CDH13: variants seen among roughly 807,000 people sequenced by gnomAD.
CDH13 encodes the protein cadherin-13.
In CDH13, 24 loss-of-function variants were observed where a neutral mutation model predicts 63.8. That is an observed-to-expected ratio of 0.38 (90% CI 0.27 to 0.53). The LOEUF is 0.53. Among genes scored for constraint, CDH13 ranks in the 20% least tolerant of loss-of-function variants. CDH13 has a pLI of 0.85. For missense variants in CDH13, 1,049 were observed against 903.1 expected, an observed-to-expected ratio of 1.16 and a Z score of -2.07; for synonymous variants, 503 against 355.3, an observed-to-expected ratio of 1.42 and a Z score of -4.67.
At chr16:83,726,730 C>T (rs957243332) in intron 10 of CDH13, among the ~76,000 whole-genome samples, 2 of 151,936 alleles carry the variant, frequency 1.3e-5, no homozygotes, top group East Asian at 1.9e-4. Flanking sequence ...CCCAGCTACT[C>T]GCGAGGCTGA....
At chr16:82,710,066 A>G (rs550115537) in intron 1 of CDH13, among the ~76,000 whole-genome samples, 2 of 150,622 alleles carry the variant, frequency 1.3e-5, no homozygotes, top group South Asian at 4.2e-4. Flanking sequence ...CACACACTAC[A>G]CACACACATA....
chr16:83,545,902 A>G (rs967818982), intron 7 of CDH13, among the ~76,000 whole-genome samples: 4 of 152,152 alleles, frequency 2.6e-5, no homozygotes, highest in Non-Finnish European at 5.9e-5. Context: ...TCATTCATTC[A>G]ATGACAACTA....
intron 5 of CDH13, among the ~76,000 whole-genome samples, chr16:83,312,066 C>CAAAAAAAAAAAAAAAAAAAAAAAAAAAAA (rs5818437): frequency 1.1e-5 from 1 of 94,954 alleles, no homozygotes; most frequent in Non-Finnish European, 2.1e-5. Context: ...AACTCCATCT[C>CAAAAAAAAAAAAAAAAAAAAAAAAAAAAA]AAAAAAAAAA....
chr16:83,215,060 G>A (rs1448137565), intron 4 of CDH13, among the ~76,000 whole-genome samples: 1 of 115,960 alleles, frequency 8.6e-6, no homozygotes, highest in Non-Finnish European at 1.7e-5. Flanking sequence ...TCATCAGAGA[G>A]TATCAAACAC....
intron 7 of CDH13, among the ~76,000 whole-genome samples, chr16:83,600,748 C>T (rs1907709436): frequency 6.6e-6 from 1 of 152,120 alleles, no homozygotes; most frequent in Non-Finnish European, 1.5e-5. Context: ...AGAAATCTGT[C>T]CAACGTGAGT....
chr16:82,809,203 G>C (rs2037315228), intron 1 of CDH13, among the ~76,000 whole-genome samples: 1 of 151,652 alleles, frequency 6.6e-6, no homozygotes. Context: ...TGTCACCAGT[G>C]TTTCGTGTCA....
intron 7 of CDH13, among the ~76,000 whole-genome samples, chr16:83,525,078 G>A (rs537445514): frequency 6.6e-6 from 1 of 152,236 alleles, no homozygotes; most frequent in Non-Finnish European, 1.5e-5. Context: ...GAATCAAACG[G>A]CAATTTACTT....
intron 5 of CDH13, among the ~76,000 whole-genome samples, chr16:83,311,401 T>C (rs1269192439): frequency 1.3e-5 from 2 of 152,248 alleles, no homozygotes; most frequent in Non-Finnish European, 2.9e-5. Flanking sequence ...ATATGTAATG[T>C]AGAGAAAATA....
intron 2 of CDH13, among the ~76,000 whole-genome samples, chr16:83,021,782 C>T (rs942712714): frequency 6.6e-6 from 1 of 152,212 alleles, no homozygotes; most frequent in Non-Finnish European, 1.5e-5. Context: ...GGCTAGAATA[C>T]TCCCAGAACC....
rs150239374 is a variant in CDH13 at position 83,154,158 on chromosome 16, C to G, written c.483+28657C>G. On this transcript the variant is annotated intron_variant, in intron 4 of 13. Transcript: ENST00000567109. ...TAAAGACCATGCTACGGTTCTGCCACCTTTGTCGTTTGCCATGACACGAGC... is the reference window on the plus strand; with the variant it reads ...TAAAGACCATGCTACGGTTCTGCCAGCTTTGTCGTTTGCCATGACACGAGC... 3.6e-4 allele frequency among the ~76,000 whole-genome samples: 55 copies of G among 152,262 alleles called. 1 individual carries two copies. The Middle Eastern group carries it at 0.01, about 28-fold the overall frequency.
At position 83,344,746 on chromosome 16, in the gene CDH13, A is replaced by G. The variant is rs116048209; in HGVS notation, c.637-116A>G. The stretch of plus-strand genomic sequence containing the variant: ...ACTATCCTCTGAGACCAAAATTTCA[A>G]TATTGCCAAGGGCTCATAAAATTGT... On this transcript the variant is annotated intron_variant, in intron 5 of 13. Coordinates refer to ENST00000567109, the MANE Select transcript of CDH13 (RefSeq NM_001257.5). 3.3e-3 allele frequency: 3,592 copies of G among 1,096,994 alleles called. 74 individuals carry two copies. In the African/African-American group the frequency reaches 0.047, roughly 14 times the overall value. 68.0% of individuals were successfully genotyped at this position (1,096,994 alleles called of 1,614,324 possible). A position where few individuals can be genotyped will look rare whatever the true frequency, so the allele number is the denominator to read the frequency against.
At chr16:83,291,214 T>A (rs558613164) in intron 5 of CDH13, among the ~76,000 whole-genome samples, 21 of 152,296 alleles carry the variant, frequency 1.4e-4, no homozygotes, top group African/African-American at 5.1e-4. Flanking sequence ...ATAAATCACT[T>A]AATAAATCAG....
At chr16:83,219,194 A>G (rs1355925698) in intron 5 of CDH13, among the ~76,000 whole-genome samples, 3 of 152,186 alleles carry the variant, frequency 2.0e-5, no homozygotes, top group African/African-American at 2.4e-5. Flanking sequence ...TCCATAAAGT[A>G]TGATTACAGC....
chr16:83,420,600 T>C (rs1414791823), intron 6 of CDH13, among the ~76,000 whole-genome samples: 1 of 152,220 alleles, frequency 6.6e-6, no homozygotes, highest in Admixed American at 6.5e-5. Context: ...TGTATTACGG[T>C]TCTGCAGAGG....
intron 2 of CDH13, among the ~76,000 whole-genome samples, chr16:83,014,287 C>T (rs1352061198): frequency 3.0e-5 from 4 of 131,814 alleles, no homozygotes; most frequent in African/African-American, 5.9e-5. Flanking sequence ...CAACCGTTAG[C>T]GTGAGGAGAC....
chr16:83,064,980 C>G (rs536891114), intron 3 of CDH13, among the ~76,000 whole-genome samples: 3 of 152,234 alleles, frequency 2.0e-5, no homozygotes, highest in South Asian at 2.1e-4. Context: ...AAACTTTGCA[C>G]TCTTAGCTAA....
intron 2 of CDH13, among the ~76,000 whole-genome samples, chr16:83,022,257 A>G (rs899419300): frequency 4.6e-5 from 7 of 152,324 alleles, no homozygotes; most frequent in African/African-American, 1.7e-4. Flanking sequence ...AGATTAACCA[A>G]TATGCAGGAC....
At chr16:82,917,760 A>C (rs1373706867) in intron 2 of CDH13, among the ~76,000 whole-genome samples, 2 of 151,980 alleles carry the variant, frequency 1.3e-5, no homozygotes, top group Admixed American at 6.6e-5. Context: ...AAAAACACCC[A>C]AAAAATTAGC....
chr16:82,934,156 C>T (rs2042591555), intron 2 of CDH13, among the ~76,000 whole-genome samples: 1 of 152,248 alleles, frequency 6.6e-6, no homozygotes, highest in African/African-American at 2.4e-5. Context: ...TCTGCCCCTG[C>T]AGCAGACTTC....
Sources: allele counts gnomAD v4.1 joint callset (sites outside exome capture counted in the v4.1 genomes callset), GRCh38; gene constraint gnomAD v4.1.1; transcripts MANE v1.5; gene names NCBI Gene and HGNC (gene_info 2026-07-23, HGNC 2026-07-21).